Variants in CMPK1 observed in about 807,000 individuals in gnomAD.
CMPK1 encodes UMP-CMP kinase.
CMPK1 carries 10 observed loss-of-function variants against 25.7 expected under a neutral mutation model. The ratio of observed to expected loss-of-function variants is 0.39; its 90% CI spans 0.24 to 0.66. The LOEUF is 0.66. Among genes scored for constraint, CMPK1 ranks in the 30% least tolerant of loss-of-function variants. CMPK1 has a pLI of 0.48. For synonymous variants in CMPK1, 106 were observed against 101.5 expected (o/e 1.04, Z -0.27); for missense variants, 199 against 280.5 (o/e 0.71, Z 2.08).
rs1646724032 is a variant in CMPK1, at chr1:47,378,822, G to T, written c.*2077G>T. ...TTAGTAAATAATCTCAATAAATTTT[G>T]TGCTGTGGCCTTTGCTATTTGTTGG... On this transcript the variant is annotated 3_prime_UTR_variant, in exon 6 of 6. Transcript: ENST00000371873. 6.6e-6 allele frequency: 1 copy of T among 152,138 alleles called. No homozygotes were observed. Among genetic ancestry groups the T allele is most frequent in the African/African-American group, 2.4e-5 (1 of 41,438 alleles). The allele number at this position is 152,138 out of a possible 1,614,324, so 9.4% of individuals were successfully genotyped here.
At chr1:47,348,615 C>T (rs1258528120) in intron 1 of CMPK1, among the ~76,000 whole-genome samples, 1 of 152,168 alleles carries the variant, frequency 6.6e-6, no homozygotes. Context: ...TGGTTTCCAT[C>T]AGTCTTCTCC....
At chr1:47,360,483 A>G (rs537444057) in intron 1 of CMPK1, among the ~76,000 whole-genome samples, 2 of 152,310 alleles carry the variant, frequency 1.3e-5, no homozygotes, top group South Asian at 2.1e-4. Context: ...AGTGGCTTCT[A>G]ACTCACTCTT....
At chr1:47,373,678 C>A (rs1006093643) in intron 3 of CMPK1, among the ~76,000 whole-genome samples, 3 of 152,020 alleles carry the variant, frequency 2.0e-5, no homozygotes, top group African/African-American at 7.2e-5. Flanking sequence ...TGCCTGTAAT[C>A]CCAGCTACTT....
At chr1:47,359,604 G>A (rs1266539336) in intron 1 of CMPK1, among the ~76,000 whole-genome samples, 3 of 151,782 alleles carry the variant, frequency 2.0e-5, no homozygotes, top group Non-Finnish European at 4.4e-5. Context: ...GGCCAGGCTG[G>A]TGTCGAACTC....
chr1:47,372,538 G>A (rs1469258728), intron 2 of CMPK1, among the ~76,000 whole-genome samples: 1 of 152,192 alleles, frequency 6.6e-6, no homozygotes, highest in African/African-American at 2.4e-5. Flanking sequence ...GGAATAAAGA[G>A]AGGGTCTCCA....
chr1:47,357,993 G>T lies in CMPK1; in HGVS notation c.172-10476G>T, dbSNP rs374470103. 3.6e-4 allele frequency among the ~76,000 whole-genome samples: 54 copies of T among 151,850 alleles called. No homozygotes were observed. In the South Asian group the frequency reaches 0.011, roughly 31 times the overall value. On this transcript the variant is annotated intron_variant, in intron 1 of 5. Transcript: ENST00000371873. ...GTTTGGTATTTCTGTTCCTCTATCGGCGTGTAATTTGTAGTTAAGCCACTG... is the reference window on the plus strand; with the variant it reads ...GTTTGGTATTTCTGTTCCTCTATCGTCGTGTAATTTGTAGTTAAGCCACTG...
chr1:47,371,462 A>G (rs541086985), intron 2 of CMPK1, among the ~76,000 whole-genome samples: 61 of 152,346 alleles, frequency 4.0e-4, no homozygotes, highest in Admixed American at 1.6e-3. Context: ...ATCTCTATCA[A>G]ATAATACTTT....
At chr1:47,367,220 A>G (rs1190077714) in intron 1 of CMPK1, among the ~76,000 whole-genome samples, 1 of 152,162 alleles carries the variant, frequency 6.6e-6, no homozygotes, top group Non-Finnish European at 1.5e-5. Context: ...GACATGGATG[A>G]TATTAGGATC....
intron 1 of CMPK1, among the ~76,000 whole-genome samples, chr1:47,339,165 C>G (rs369816756): frequency 2.0e-3 from 310 of 152,106 alleles, no homozygotes; most frequent in African/African-American, 7.2e-3. Context: ...CCTGCCTCAG[C>G]CTCCCAAGTA....
intron 1 of CMPK1, among the ~76,000 whole-genome samples, chr1:47,345,393 C>A (rs954179295): frequency 2.6e-5 from 4 of 151,162 alleles, no homozygotes; most frequent in Non-Finnish European, 4.4e-5. Flanking sequence ...TAGGTCTAAA[C>A]AATACTTAAG....
intron 1 of CMPK1, chr1:47,358,237 C>T (rs1383278922): frequency 5.5e-5 from 25 of 456,814 alleles, no homozygotes; most frequent in Non-Finnish European, 9.6e-5. Flanking sequence ...CTGAGCCTTC[C>T]GAGTAGCCAG....
At chr1:47,373,854 G>C (rs1205974113) in intron 3 of CMPK1, among the ~76,000 whole-genome samples, 5 of 151,842 alleles carry the variant, frequency 3.3e-5, no homozygotes, top group African/African-American at 1.2e-4. Flanking sequence ...AGAGTGAAAT[G>C]ATCTTGAAAA....
intron 1 of CMPK1, among the ~76,000 whole-genome samples, chr1:47,362,841 A>C (rs1485886345): frequency 6.6e-6 from 1 of 152,210 alleles, no homozygotes; most frequent in Non-Finnish European, 1.5e-5. Flanking sequence ...CTAGCAATTT[A>C]AGTCAGATAT....
At chr1:47,336,520 T>TTTG (rs1243607020) in intron 1 of CMPK1, among the ~76,000 whole-genome samples, 1 of 152,196 alleles carries the variant, frequency 6.6e-6, no homozygotes, top group African/African-American at 2.4e-5. Context: ...ATTGGTGGGT[T>TTTG]TTGTTGTTGT....
At chr1:47,368,775 C>T (rs1345167611) in intron 2 of CMPK1, among the ~76,000 whole-genome samples, 160 bp downstream of exon 2, 2 of 152,120 alleles carry the variant, frequency 1.3e-5, no homozygotes, top group Non-Finnish European at 2.9e-5. Flanking sequence ...GCCTGGACAA[C>T]CTAGTGAAAC....
chr1:47,372,076 C>T (rs1646680609), intron 2 of CMPK1, among the ~76,000 whole-genome samples: 1 of 151,810 alleles, frequency 6.6e-6, no homozygotes, highest in Non-Finnish European at 1.5e-5. Flanking sequence ...CACCTTAGTT[C>T]ACATCCTCTT....
At chr1:47,349,872 C>G (rs1646510696) in intron 1 of CMPK1, among the ~76,000 whole-genome samples, 1 of 152,144 alleles carries the variant, frequency 6.6e-6, no homozygotes, top group Non-Finnish European at 1.5e-5. Flanking sequence ...GTGGCGCAAT[C>G]TCGGCTCACT....
chr1:47,353,831 C>T (rs10890477), intron 1 of CMPK1, among the ~76,000 whole-genome samples: 26,935 of 152,082 alleles, frequency 0.18, 3,025 homozygotes, highest in East Asian at 0.54. Context: ...ATTCTCCTGC[C>T]TCAGCCTCCT....
chr1:47,348,896 C>T (rs557701181), intron 1 of CMPK1, among the ~76,000 whole-genome samples: 1 of 152,080 alleles, frequency 6.6e-6, no homozygotes, highest in Non-Finnish European at 1.5e-5. Flanking sequence ...ATAGAGACAG[C>T]AAAGATGTTT....
Sources: allele counts gnomAD v4.1 joint callset (sites outside exome capture counted in the v4.1 genomes callset), GRCh38; gene constraint gnomAD v4.1.1; transcripts MANE v1.5; gene names NCBI Gene and HGNC (gene_info 2026-07-23, HGNC 2026-07-21).